The following C12orf42 variants were observed in gnomAD, a reference collection of about 807,000 sequenced individuals.
C12orf42 encodes the protein chromosome 12 open reading frame 42, also known as uncharacterized protein C12orf42.
A neutral mutation model predicts 21.6 loss-of-function variants in C12orf42; 25 were observed. That is an observed-to-expected ratio of 1.16 (90% CI 0.84 to 1.62). The LOEUF (loss-of-function observed/expected upper bound fraction) is 1.62, where lower values mean the gene tolerates loss of function less well. Ranked by LOEUF, C12orf42 falls within the 40% of genes most tolerant of loss-of-function variation. The pLI is 0.00. For missense variants in C12orf42, 483 were observed against 459.3 expected (o/e 1.05, Z -0.47); for synonymous variants, 174 against 175.0 (o/e 0.99, Z 0.05).
At chr12:103,250,887 T>C (rs978198477) in intron 10 of C12orf42, among the ~76,000 whole-genome samples, 1 of 151,914 alleles carries the variant, frequency 6.6e-6, no homozygotes, top group Non-Finnish European at 1.5e-5. Context: ...TGTGTGTGTG[T>C]GTGTGTGCAT....
chr12:103,187,352 C>A, the C12orf42 span, among the ~76,000 whole-genome samples: 3 of 152,114 alleles, frequency 2.0e-5, no homozygotes, highest in Non-Finnish European at 4.4e-5. Context: ...AGGGAACTTT[C>A]CCATAGTCAC....
At chr12:103,486,958 C>G (rs1954876236) in intron 1 of C12orf42, among the ~76,000 whole-genome samples, 1 of 152,160 alleles carries the variant, frequency 6.6e-6, no homozygotes, top group South Asian at 2.1e-4. Context: ...CTATCTCATT[C>G]AGTTCTGCTC....
At chr12:103,216,699 A>T in the C12orf42 span, among the ~76,000 whole-genome samples, 1 of 152,092 alleles carries the variant, frequency 6.6e-6, no homozygotes, top group Non-Finnish European at 1.5e-5. Flanking sequence ...TTCACAATAT[A>T]GAATCCAATA....
the C12orf42 span, among the ~76,000 whole-genome samples, chr12:103,534,476 A>G: frequency 6.6e-6 from 1 of 152,294 alleles, no homozygotes; most frequent in East Asian, 1.9e-4. Flanking sequence ...AGAGCTGGTC[A>G]TGGATCTTCA....
the C12orf42 span, among the ~76,000 whole-genome samples, chr12:103,109,147 TGAA>T: frequency 1.3e-5 from 2 of 152,276 alleles, no homozygotes; most frequent in African/African-American, 2.4e-5. Flanking sequence ...AACAAAAATT[TGAA>T]GAAGAATTAG....
chr12:103,511,816 T>G, the C12orf42 span, among the ~76,000 whole-genome samples: 3 of 152,226 alleles, frequency 2.0e-5, no homozygotes, highest in African/African-American at 7.2e-5. Flanking sequence ...TTACTTAAAT[T>G]TATATGAAAT....
the C12orf42 span, among the ~76,000 whole-genome samples, chr12:103,137,463 A>G: frequency 6.6e-6 from 1 of 152,070 alleles, no homozygotes; most frequent in Non-Finnish European, 1.5e-5. Context: ...AAGATTTCTA[A>G]AAAAAAACTA....
intron 10 of C12orf42, among the ~76,000 whole-genome samples, chr12:103,259,881 A>G (rs1008533057): frequency 3.9e-4 from 60 of 152,204 alleles, no homozygotes; most frequent in East Asian, 3.9e-4. Flanking sequence ...ATAGGCAGGT[A>G]CAATTCGTTT....
At chr12:103,461,736 T>A (rs1215770893) in intron 2 of C12orf42, among the ~76,000 whole-genome samples, 1 of 152,178 alleles carries the variant, frequency 6.6e-6, no homozygotes, top group East Asian at 1.9e-4. Flanking sequence ...AGATTTGGAT[T>A]AAATGACTTA....
At chr12:103,352,347 A>G (rs1386171753) in intron 4 of C12orf42, among the ~76,000 whole-genome samples, 4 of 152,178 alleles carry the variant, frequency 2.6e-5, no homozygotes, top group Non-Finnish European at 5.9e-5. Context: ...GAAGAAATAA[A>G]AATAAGTAGC....
chr12:103,246,885 G>T (rs942187497), intron 10 of C12orf42, among the ~76,000 whole-genome samples: 1 of 152,040 alleles, frequency 6.6e-6, no homozygotes, highest in Non-Finnish European at 1.5e-5. Flanking sequence ...AATCCTTTGG[G>T]TGTGAAATTT....
chr12:103,369,379 G>T (rs771470789), intron 3 of C12orf42, among the ~76,000 whole-genome samples: 26 of 152,050 alleles, frequency 1.7e-4, no homozygotes, highest in Non-Finnish European at 3.7e-4. Flanking sequence ...CAATAGATTG[G>T]ATGGTGATTT....
the C12orf42 span, among the ~76,000 whole-genome samples, chr12:103,072,829 T>G: frequency 6.6e-6 from 1 of 152,214 alleles, no homozygotes; most frequent in Non-Finnish European, 1.5e-5. Flanking sequence ...TATCTCATTA[T>G]GATTTTTAAA....
At chr12:103,284,639 A>G (rs1226751228) in intron 4 of C12orf42, among the ~76,000 whole-genome samples, 1 of 152,236 alleles carries the variant, frequency 6.6e-6, no homozygotes, top group Non-Finnish European at 1.5e-5. Context: ...GCTAATACCA[A>G]GAGCAATATT....
intron 10 of C12orf42, among the ~76,000 whole-genome samples, chr12:103,253,918 C>T (rs1486241272): frequency 5.3e-5 from 8 of 151,842 alleles, no homozygotes; most frequent in South Asian, 2.1e-4. Flanking sequence ...TTCTCCCACT[C>T]GGTAGGTTGT....
At chr12:103,190,217 C>T in the C12orf42 span, among the ~76,000 whole-genome samples, 1 of 152,290 alleles carries the variant, frequency 6.6e-6, no homozygotes, top group African/African-American at 2.4e-5. Flanking sequence ...TGTCCAAGGG[C>T]AGGAGGAGAA....
At chr12:103,302,582 A>T (rs1015302766) in intron 5 of C12orf42, 23 bp from the exon 6 acceptor site, 1 of 1,582,840 alleles carries the variant, frequency 6.3e-7, no homozygotes, top group Non-Finnish European at 8.6e-7. Context: ...GCAGGAAAGC[A>T]GGACAGAGAT....
At chr12:103,485,208 G>A (rs892404467) in intron 1 of C12orf42, among the ~76,000 whole-genome samples, 3 of 152,090 alleles carry the variant, frequency 2.0e-5, no homozygotes, top group African/African-American at 7.2e-5. Context: ...AGTTTTCCCA[G>A]CACCATTTAT....
chr12:103,173,776 C>T, the C12orf42 span, among the ~76,000 whole-genome samples: 2 of 152,094 alleles, frequency 1.3e-5, no homozygotes, highest in Admixed American at 1.3e-4. Context: ...GGTTTCTTCT[C>T]TACTTTTGTC....
Sources: gnomAD v4.1 joint callset for allele counts (sites outside exome capture counted in the v4.1 genomes callset) on GRCh38, gnomAD v4.1.1 for gene constraint, MANE v1.5 for transcripts, NCBI Gene and HGNC (gene_info 2026-07-23, HGNC 2026-07-21) for gene names.